Variants in PLIN3 observed in about 807,000 individuals in gnomAD.
PLIN3 encodes the protein perilipin 3, also known as perilipin-3.
A neutral mutation model predicts 35.9 loss-of-function variants in PLIN3; 30 were observed. That is an observed-to-expected ratio of 0.84 (90% confidence interval 0.62 to 1.13). PLIN3 has a LOEUF of 1.13. Among genes scored for constraint, PLIN3 ranks in the 50% most tolerant of loss-of-function variants. PLIN3 has a pLI of 0.00. For synonymous variants in PLIN3, 261 were observed against 262.5 expected, an observed-to-expected ratio of 0.99 and a Z score of 0.06; for missense variants, 603 against 596.9, an observed-to-expected ratio of 1.01 and a Z score of -0.11.
At chr19:4,844,912 GGGA>G in intron 6 of PLIN3, 119 bp from the exon 7 acceptor site, 1 of 1,176,246 alleles carries the variant, frequency 8.5e-7, no homozygotes, top group Non-Finnish European at 1.2e-6. Context: ...AAAAGAGAAA[GGGA>G]GGGAGGGAGG....
At chr19:4,852,647 T>A (rs889653842) in intron 4 of PLIN3, among the ~76,000 whole-genome samples, 1 of 145,570 alleles carries the variant, frequency 6.9e-6, no homozygotes, top group Non-Finnish European at 1.5e-5. Flanking sequence ...CTTTCTTTCT[T>A]TTTTTTTTTT....
At position 4,859,839 on chromosome 19, in the gene PLIN3, C is replaced by G; in HGVS notation, c.252G>C (p.Lys84Asn). The change falls in exon 3 of 8, where the codon AAG becomes AAC. Residue 84 changes from lysine to asparagine, a missense_variant. By Grantham distance (94) the Lys-to-Asn change is moderately conservative. Transcript: ENST00000221957. Reference sequence around the variant, plus strand: ...GACTTCACCCACTCTGGGGCTCCAGCTTGGAGAGGATCGGCTGAGCCCCGC... The same window carrying G: ...GACTTCACCCACTCTGGGGCTCCAGGTTGGAGAGGATCGGCTGAGCCCCGC... ...AVSGAQPILS[K>N]LEPQIASASE... 1 of 1,613,286 alleles carries G rather than the reference C, an allele frequency of 6.2e-7. No homozygotes were observed. Among genetic ancestry groups the G allele is most frequent in the Non-Finnish European group, 8.5e-7 (1 of 1,179,994 alleles).
chr19:4,854,980 T>C (rs111289747), intron 4 of PLIN3, among the ~76,000 whole-genome samples: 64 of 151,884 alleles, frequency 4.2e-4, no homozygotes, highest in African/African-American at 1.5e-3. Flanking sequence ...CCGGGCACGG[T>C]GACTCACGCC....
chr19:4,856,507 G>A (rs1051367382), intron 4 of PLIN3, among the ~76,000 whole-genome samples: 7 of 151,460 alleles, frequency 4.6e-5, no homozygotes, highest in African/African-American at 7.3e-5. Context: ...GCAGTGAGCC[G>A]AGATCGCACC....
intron 5 of PLIN3, among the ~76,000 whole-genome samples, chr19:4,849,763 CT>C (rs1242115797): frequency 6.6e-6 from 1 of 151,768 alleles, no homozygotes; most frequent in Non-Finnish European, 1.5e-5. Flanking sequence ...AGTGATTCTC[CT>C]GCCTTAGCCT....
chr19:4,860,009 G>C lies in PLIN3; in HGVS notation c.82C>G (p.Arg28Gly). The stretch of plus-strand genomic sequence containing the variant: ...CTGATCAGAGGCATGCTGGCCACAC[G>C]GTCCACCACACTGGGCTACAGGAGA... ...EPVQQPSVVD[R>G]VASMPLISST... Residue 28 changes from arginine to glycine, a missense_variant, in exon 3 of 8, where the codon CGT (arginine) becomes GGT (glycine). Physicochemically the swap from Arg to Gly is moderately radical, Grantham distance 125. Transcript: ENST00000221957. The C allele has an allele frequency of 6.2e-7, 1 of 1,614,044 alleles. No homozygotes were observed. The highest frequency in any genetic ancestry group is 8.5e-7 in the Non-Finnish European group (1 of 1,180,020).
Position 4,852,029 on chromosome 19 carries a change from C to CGTAAGGGGCAG in PLIN3, c.610_620dup (p.Asp208CysfsTer73). On this transcript the variant is annotated frameshift_variant, in exon 5 of 8. Coordinates refer to ENST00000221957, the MANE Select transcript of PLIN3 (RefSeq NM_005817.5). LOFTEE classifies it high-confidence loss of function. The stretch of plus-strand genomic sequence containing the variant: ...GGCCACACTTACCCAGTTCGGCATC[C>CGTAAGGGGCAG]GTAAGGGGCAGGTGGTTGTCCGCCC... The CGTAAGGGGCAG allele has an allele frequency of 1.9e-6, 3 of 1,613,498 alleles. 1 individual carries two copies. The South Asian group carries it at 3.3e-5, about 18-fold the overall frequency.
At position 4,861,321 on chromosome 19, in the gene PLIN3, T is replaced by C; in HGVS notation, c.66+8A>G. On this transcript the variant is annotated splice_region_variant and intron_variant, in intron 2 of 7. Coordinates refer to ENST00000221957, the MANE Select transcript of PLIN3 (RefSeq NM_005817.5). Reference sequence around the variant, plus strand: ...TCGGGGCAGTCCCTGGTCCCGGCCCTTCCTCACCTGCTGTACCGGTTCTTC... The same window carrying C: ...TCGGGGCAGTCCCTGGTCCCGGCCCCTCCTCACCTGCTGTACCGGTTCTTC... The C allele has an allele frequency of 6.2e-7, 1 of 1,613,008 alleles. No homozygotes were observed. The highest frequency in any genetic ancestry group is 8.5e-7 in the Non-Finnish European group (1 of 1,179,194).
chr19:4,848,666 A>G (rs1458785280), intron 5 of PLIN3, among the ~76,000 whole-genome samples: 3 of 152,220 alleles, frequency 2.0e-5, no homozygotes, highest in African/African-American at 7.2e-5. Flanking sequence ...CAGGAGTTCA[A>G]GACTAGCCTG....
chr19:4,863,679 C>T (rs945778292), intron 1 of PLIN3, among the ~76,000 whole-genome samples: 4 of 150,982 alleles, frequency 2.6e-5, no homozygotes, highest in Middle Eastern at 3.4e-3. Context: ...ATTAGCCAGG[C>T]GTGGTGGTGC....
At chr19:4,858,559 G>T (rs1204378674) in intron 4 of PLIN3, among the ~76,000 whole-genome samples, 7 of 149,850 alleles carry the variant, frequency 4.7e-5, no homozygotes, top group East Asian at 2.0e-4. Flanking sequence ...TTTTTTTGTA[G>T]TTTTAGTAGA....
chr19:4,850,870 T>G (rs960075633), intron 5 of PLIN3, among the ~76,000 whole-genome samples: 10 of 152,008 alleles, frequency 6.6e-5, no homozygotes, highest in African/African-American at 2.2e-4. Flanking sequence ...GCGCCCTGCC[T>G]ATATCCTAAG....
chr19:4,851,454 ACT>A (rs1185353151), intron 5 of PLIN3, among the ~76,000 whole-genome samples: 3 of 152,044 alleles, frequency 2.0e-5, no homozygotes, highest in African/African-American at 7.2e-5. Context: ...ACAGGGCGAG[ACT>A]CTGTCTCTAA....
chr19:4,844,275 C>G (rs918951768), intron 7 of PLIN3, among the ~76,000 whole-genome samples: 9 of 152,008 alleles, frequency 5.9e-5, no homozygotes, highest in Non-Finnish European at 1.3e-4. Context: ...ACCAGCCTGG[C>G]CAACATGGTG....
intron 2 of PLIN3, among the ~76,000 whole-genome samples, chr19:4,860,716 A>T (rs1231253573): frequency 2.0e-5 from 3 of 152,012 alleles, no homozygotes; most frequent in Non-Finnish European, 2.9e-5. Flanking sequence ...CACGCCTGTA[A>T]TCCGAGCACT....
intron 7 of PLIN3, among the ~76,000 whole-genome samples, chr19:4,840,881 G>C (rs1021229008): frequency 1.6e-4 from 25 of 152,132 alleles, no homozygotes; most frequent in African/African-American, 5.8e-4. Context: ...GGAGGCGGAG[G>C]TTGCAGTGAG....
At chr19:4,845,748 C>G (rs1213360142) in intron 6 of PLIN3, among the ~76,000 whole-genome samples, 8 of 150,196 alleles carry the variant, frequency 5.3e-5, no homozygotes, top group Non-Finnish European at 8.9e-5. Flanking sequence ...CACGGTGAAA[C>G]CCCATCTCTA....
intron 5 of PLIN3, 115 bp from the exon 6 acceptor site, chr19:4,848,005 A>G: frequency 1.2e-6 from 1 of 804,938 alleles, no homozygotes; most frequent in East Asian, 2.8e-5. Context: ...TTATTTAGAG[A>G]TGGAGTCTCG....
chr19:4,847,589 C>A (rs945317405), intron 6 of PLIN3, 102 bp downstream of exon 6: 20 of 985,000 alleles, frequency 2.0e-5, no homozygotes, highest in African/African-American at 1.8e-4. Flanking sequence ...AATGGCCCTG[C>A]CAGCCTGCAG....
Sources: allele counts gnomAD v4.1 joint callset (sites outside exome capture counted in the v4.1 genomes callset), GRCh38; gene constraint gnomAD v4.1.1; transcripts MANE v1.5; gene names NCBI Gene and HGNC (gene_info 2026-07-23, HGNC 2026-07-21).